Variants in TENM1 observed in about 807,000 individuals in gnomAD.
TENM1 encodes the protein teneurin-1.
TENM1 carries 35 observed loss-of-function variants against 174.8 expected under a neutral mutation model. That is an observed-to-expected ratio of 0.20 (90% CI 0.15 to 0.27). The LOEUF (loss-of-function observed/expected upper bound fraction) is 0.27. Among genes scored for constraint, TENM1 ranks in the 10% least tolerant of loss-of-function variants. The probability of loss-of-function intolerance (pLI) is 1.00; values close to 1 mark genes in which losing one functional copy is unlikely to be tolerated. For synonymous variants in TENM1, 781 were observed against 798.7 expected, an observed-to-expected ratio of 0.98 and a Z score of 0.37; for missense variants, 1,633 against 2,130.1, an observed-to-expected ratio of 0.77 and a Z score of 4.59.
At chrX:124,898,242 C>A (rs1276867660) in intron 1 of TENM1, among the ~76,000 whole-genome samples, 1 of 111,162 alleles carries the variant, frequency 9.0e-6, no homozygotes, top group Non-Finnish European at 1.9e-5. Flanking sequence ...TTTCGAATGA[C>A]TTCCCTGGTG....
At chrX:124,866,022 G>A (rs903685928) in intron 3 of TENM1, among the ~76,000 whole-genome samples, 3 of 111,439 alleles carry the variant, frequency 2.7e-5, no homozygotes, top group Non-Finnish European at 5.7e-5. Context: ...AGATATTGTT[G>A]GAGCTAAAGA....
At chrX:124,724,317 A>C (rs1800000261) in intron 4 of TENM1, among the ~76,000 whole-genome samples, 1 of 112,522 alleles carries the variant, frequency 8.9e-6, no homozygotes, top group Admixed American at 9.4e-5. Flanking sequence ...AAGGCATAGC[A>C]CTTTACTTAA....
chrX:124,756,244 C>T (rs2054235647), intron 3 of TENM1, among the ~76,000 whole-genome samples: 1 of 103,096 alleles, frequency 9.7e-6, no homozygotes, highest in African/African-American at 4.0e-5. Context: ...TTCATTTCAT[C>T]TTCCATCACT....
At chrX:124,774,160 C>A (rs974376941) in intron 3 of TENM1, among the ~76,000 whole-genome samples, 1 of 111,608 alleles carries the variant, frequency 9.0e-6, no homozygotes, top group African/African-American at 3.3e-5. Flanking sequence ...AGCATAAGAA[C>A]AAAGCACTAT....
chrX:124,635,978 C>T (rs1261361355), intron 11 of TENM1, among the ~76,000 whole-genome samples: 1 of 111,829 alleles, frequency 8.9e-6, no homozygotes, highest in Non-Finnish European at 1.9e-5. Flanking sequence ...GTTAAAGAAG[C>T]CTATATCAAA....
chrX:124,810,304 T>C (rs1057321981), intron 3 of TENM1, among the ~76,000 whole-genome samples: 12 of 111,532 alleles, frequency 1.1e-4, no homozygotes, highest in African/African-American at 9.8e-5. Flanking sequence ...ATCTTATATA[T>C]AGAAAATCCT....
intron 20 of TENM1, among the ~76,000 whole-genome samples, chrX:124,494,681 G>C (rs2147971913): frequency 1.0e-5 from 1 of 97,487 alleles, no homozygotes; most frequent in South Asian, 5.3e-4. Flanking sequence ...CCCCACAACA[G>C]TCCCCAGAGT....
intron 25 of TENM1, among the ~76,000 whole-genome samples, chrX:124,408,706 A>C (rs1394840022): frequency 4.2e-4 from 45 of 107,498 alleles, no homozygotes; most frequent in Non-Finnish European, 7.3e-4. Flanking sequence ...TTTAGGGTAC[A>C]TGTGCACAAT....
chrX:124,533,073 A>T (rs2148077726), intron 15 of TENM1, among the ~76,000 whole-genome samples: 1 of 112,252 alleles, frequency 8.9e-6, no homozygotes, highest in East Asian at 2.8e-4. Flanking sequence ...TCCATTTCAA[A>T]AAGAAAGCTC....
intron 14 of TENM1, among the ~76,000 whole-genome samples, chrX:124,559,399 G>A (rs1251547904): frequency 9.0e-6 from 1 of 111,579 alleles, no homozygotes; most frequent in Non-Finnish European, 1.9e-5. Flanking sequence ...CAGGTGCAGT[G>A]GCTCACACCT....
At chrX:125,040,149 C>G in the TENM1 span, among the ~76,000 whole-genome samples, 3 of 111,540 alleles carry the variant, frequency 2.7e-5, no homozygotes, top group East Asian at 8.5e-4. Context: ...CACTGATCAA[C>G]TATTAAATTA....
the TENM1 span, among the ~76,000 whole-genome samples, chrX:125,187,979 A>G: frequency 9.0e-6 from 1 of 111,731 alleles, no homozygotes; most frequent in Non-Finnish European, 1.9e-5. Context: ...ATAAACATAT[A>G]TTACTCATAT....
At position 124,493,002 on chromosome X, in the gene TENM1, G is replaced by A. The variant is rs749561048; in HGVS notation, c.3695+4014C>T. Among the ~76,000 whole-genome samples, 24 of 110,857 alleles carry A rather than the reference G, an allele frequency of 2.2e-4. No individual in the cohort carries two copies. In the South Asian group the frequency reaches 6.1e-3, roughly 28 times the overall value. ...TAAAGGATCTCAACTCAGAAAAGCC[G>A]GCTAGCTTGAGAAAAGCTCTCAAGC... On this transcript the variant is annotated intron_variant, in intron 20 of 31. Coordinates refer to ENST00000422452, the Ensembl canonical transcript of TENM1.
rs1011299873 is a variant in TENM1, at chrX:124,511,516, C to T, written c.3302-7813G>A. Among the ~76,000 whole-genome samples, 6 of 111,181 alleles carry T rather than the reference C, an allele frequency of 5.4e-5. No individual in the cohort carries two copies. In the East Asian group the frequency reaches 1.7e-3, roughly 32 times the overall value. On this transcript the variant is annotated intron_variant, in intron 18 of 31. Coordinates refer to ENST00000422452, the Ensembl canonical transcript of TENM1. ...GCATACACAACTCAGGACTGGGAGA[C>T]CTGAGTTTGAATCCCTGCTCTGTAC...
At chrX:124,711,198 A>C (rs758193790) in intron 4 of TENM1, among the ~76,000 whole-genome samples, 7 of 111,628 alleles carry the variant, frequency 6.3e-5, no homozygotes, top group Non-Finnish European at 1.3e-4. Flanking sequence ...GCATATAAAG[A>C]AATTAAAAAA....
chrX:125,012,162 C>G, the TENM1 span, among the ~76,000 whole-genome samples: 2 of 111,247 alleles, frequency 1.8e-5, no homozygotes, highest in Non-Finnish European at 3.8e-5. Context: ...GCTAGAGGAA[C>G]AGCACACACC....
At chrX:124,992,495 G>C in the TENM1 span, among the ~76,000 whole-genome samples, 5 of 111,586 alleles carry the variant, frequency 4.5e-5, no homozygotes, top group South Asian at 1.9e-3. Context: ...CTCCAAGGCA[G>C]GTCAGAGAAA....
At chrX:125,067,400 G>C in the TENM1 span, among the ~76,000 whole-genome samples, 1 of 110,379 alleles carries the variant, frequency 9.1e-6, no homozygotes, top group Non-Finnish European at 1.9e-5. Context: ...CCAGGTAAGG[G>C]AAATTTTGCC....
At chrX:124,993,001 G>C in the TENM1 span, among the ~76,000 whole-genome samples, 32 of 111,007 alleles carry the variant, frequency 2.9e-4, no homozygotes, top group South Asian at 3.9e-4. Context: ...TAGTGGCTTT[G>C]ATTCAGTGCT....
Sources: allele counts gnomAD v4.1 joint callset (sites outside exome capture counted in the v4.1 genomes callset), GRCh38; gene constraint gnomAD v4.1.1; transcripts MANE v1.5; gene names NCBI Gene and HGNC (gene_info 2026-07-23, HGNC 2026-07-21).